PRKACB: variants seen among roughly 807,000 people sequenced by gnomAD.
PRKACB encodes cAMP-dependent protein kinase catalytic subunit beta.
PRKACB carries 16 observed loss-of-function variants against 51.4 expected under a neutral mutation model. That is an observed-to-expected ratio of 0.31 (90% confidence interval 0.21 to 0.47). The LOEUF is 0.47. Among genes scored for constraint, PRKACB ranks in the 20% least tolerant of loss-of-function variants. The probability of loss-of-function intolerance (pLI) is 1.00; values close to 1 mark genes in which losing one functional copy is unlikely to be tolerated. For synonymous variants in PRKACB, 147 were observed against 154.4 expected (o/e 0.95, Z 0.35); for missense variants, 309 against 464.5 (o/e 0.67, Z 3.08).
intron 8 of PRKACB, chr1:84,205,296 A>G (rs1558276476): frequency 2.1e-6 from 2 of 971,628 alleles, no homozygotes; most frequent in South Asian, 4.8e-5. Flanking sequence ...TCAAAACTCA[A>G]ATTCAAACTA....
chr1:84,098,411 G>A (rs1490544530), intron 1 of PRKACB, among the ~76,000 whole-genome samples: 1 of 151,952 alleles, frequency 6.6e-6, no homozygotes, highest in East Asian at 1.9e-4. Flanking sequence ...CCTACTCCAA[G>A]TTCATGAAGA....
At chr1:84,083,962 A>G (rs919421180) in intron 1 of PRKACB, among the ~76,000 whole-genome samples, 1 of 152,202 alleles carries the variant, frequency 6.6e-6, no homozygotes, top group Admixed American at 6.5e-5. Context: ...ATTGAATAGG[A>G]CAGAGTACCT....
upstream of PRKACB, among the ~76,000 whole-genome samples, chr1:84,140,986 G>T (rs1653346668): frequency 1.3e-5 from 2 of 152,016 alleles, no homozygotes; most frequent in Non-Finnish European, 2.9e-5. Flanking sequence ...GTTTTACAGA[G>T]TAAATCACTT....
At chr1:84,234,405 A>G (rs1298184599) in intron 9 of PRKACB, among the ~76,000 whole-genome samples, 6 of 152,220 alleles carry the variant, frequency 3.9e-5, no homozygotes, top group Non-Finnish European at 5.9e-5. Flanking sequence ...GAGCTTACAG[A>G]GGCAGGCAGG....
intron 1 of PRKACB, among the ~76,000 whole-genome samples, chr1:84,158,853 G>A (rs1361435648): frequency 1.3e-5 from 2 of 152,052 alleles, no homozygotes; most frequent in East Asian, 3.9e-4. Flanking sequence ...TTTTCAACAT[G>A]TAGATCCATT....
intron 1 of PRKACB, among the ~76,000 whole-genome samples, chr1:84,166,071 A>G (rs1351368719): frequency 6.6e-6 from 1 of 151,698 alleles, no homozygotes; most frequent in Non-Finnish European, 1.5e-5. Flanking sequence ...CTACAGTACA[A>G]TATAAACCTC....
intron 1 of PRKACB, among the ~76,000 whole-genome samples, chr1:84,082,883 C>T (rs1647661189): frequency 1.3e-5 from 2 of 152,148 alleles, no homozygotes; most frequent in African/African-American, 4.8e-5. Context: ...TTTGTGGATC[C>T]TTACAAGTGA....
At chr1:84,206,967 T>C (rs1671430027) in intron 8 of PRKACB, among the ~76,000 whole-genome samples, 1 of 152,230 alleles carries the variant, frequency 6.6e-6, no homozygotes, top group Non-Finnish European at 1.5e-5. Context: ...ATACTTTTTC[T>C]AAGATACTAT....
At chr1:84,213,426 T>G (rs1461851237) in intron 8 of PRKACB, among the ~76,000 whole-genome samples, 1 of 152,018 alleles carries the variant, frequency 6.6e-6, no homozygotes, top group Non-Finnish European at 1.5e-5. Context: ...TAGACTTAGG[T>G]CTCCTATAAA....
chr1:84,095,885 A>T (rs1217312619), intron 1 of PRKACB, among the ~76,000 whole-genome samples: 1 of 152,074 alleles, frequency 6.6e-6, no homozygotes, highest in Non-Finnish European at 1.5e-5. Flanking sequence ...TGTACAAATT[A>T]ATCATAGCTA....
rs1272673890 is a variant in PRKACB, at chr1:84,207,365, C to T, written c.906+4560C>T. ...CAATATTTATAAATATTTTTAATGT[C>T]TTAGCTCTTTCTTTTCACATATAGA... On this transcript the variant is annotated intron_variant, in intron 8 of 9. Coordinates refer to ENST00000370685, the MANE Select transcript of PRKACB (RefSeq NM_182948.4). 2.6e-5 allele frequency among the ~76,000 whole-genome samples: 4 copies of T among 152,108 alleles called. No homozygotes were observed. The South Asian group carries it at 6.2e-4, about 24-fold the overall frequency.
At chr1:84,110,360 G>A (rs1650125545) in intron 1 of PRKACB, among the ~76,000 whole-genome samples, 1 of 151,226 alleles carries the variant, frequency 6.6e-6, no homozygotes, top group Admixed American at 6.6e-5. Flanking sequence ...GACAGTGTAT[G>A]TATGTTTACA....
At chr1:84,202,593 A>G (rs1357190534) in intron 7 of PRKACB, 90 bp from the exon 8 acceptor site, 3 of 1,355,122 alleles carry the variant, frequency 2.2e-6, no homozygotes, top group East Asian at 2.4e-5. Context: ...AAATTTTTAT[A>G]TGCTTCCAGA....
chr1:84,210,819 C>G (rs1672018297), intron 8 of PRKACB, among the ~76,000 whole-genome samples: 1 of 152,078 alleles, frequency 6.6e-6, no homozygotes, highest in Non-Finnish European at 1.5e-5. Context: ...TTCACTAATT[C>G]CAGTTTGATA....
intron 1 of PRKACB, among the ~76,000 whole-genome samples, chr1:84,097,231 C>T (rs1483431798): frequency 6.6e-6 from 1 of 151,918 alleles, no homozygotes; most frequent in Admixed American, 6.6e-5. Flanking sequence ...TTCATACACA[C>T]CTATACTCAT....
intron 5 of PRKACB, among the ~76,000 whole-genome samples, chr1:84,194,692 C>G (rs1401035551): frequency 6.6e-5 from 10 of 152,230 alleles, no homozygotes; most frequent in Non-Finnish European, 1.3e-4. Flanking sequence ...TTTGGAGGCT[C>G]AGGCAGGTGG....
intron 1 of PRKACB, among the ~76,000 whole-genome samples, chr1:84,177,693 G>A (rs1422612353): frequency 2.0e-5 from 3 of 152,004 alleles, no homozygotes; most frequent in Non-Finnish European, 2.9e-5. Context: ...AGTGGACTGT[G>A]ATCATGACAC....
intron 1 of PRKACB, among the ~76,000 whole-genome samples, chr1:84,118,314 T>A (rs1165291701): frequency 6.6e-6 from 1 of 152,158 alleles, no homozygotes; most frequent in Non-Finnish European, 1.5e-5. Context: ...ATAGTATGAT[T>A]ATCTATTCAT....
intron 1 of PRKACB, among the ~76,000 whole-genome samples, chr1:84,150,236 C>T (rs917265964): frequency 6.6e-6 from 1 of 152,004 alleles, no homozygotes; most frequent in African/African-American, 2.4e-5. Context: ...TGAGATTGCA[C>T]CACTGCAGTC....
Sources: allele counts gnomAD v4.1 joint callset (sites outside exome capture counted in the v4.1 genomes callset), GRCh38; gene constraint gnomAD v4.1.1; transcripts MANE v1.5; gene names NCBI Gene and HGNC (gene_info 2026-07-23, HGNC 2026-07-21).